The following CTNNA2 variants were observed in gnomAD, a reference collection of about 807,000 sequenced individuals.
CTNNA2 encodes catenin alpha-2.
CTNNA2 carries 42 observed loss-of-function variants against 101.0 expected under a neutral mutation model. That is an observed-to-expected ratio of 0.42 (90% confidence interval 0.32 to 0.54). CTNNA2 has a LOEUF of 0.54. CTNNA2 is among the 20% of genes least tolerant of loss of function. The probability of loss-of-function intolerance (pLI) is 0.14; values close to 1 mark genes in which losing one functional copy is unlikely to be tolerated. For missense variants in CTNNA2, 871 were observed against 1,223.1 expected, an observed-to-expected ratio of 0.71 and a Z score of 4.29; for synonymous variants, 450 against 456.4, an observed-to-expected ratio of 0.99 and a Z score of 0.18.
intron 9 of CTNNA2, among the ~76,000 whole-genome samples, chr2:80,527,033 T>C (rs555468490): frequency 6.6e-6 from 1 of 152,374 alleles, no homozygotes; most frequent in Non-Finnish European, 1.5e-5. Flanking sequence ...TTGAGCACTA[T>C]GACACAGTTG....
chr2:79,865,122 A>T (rs750848870), intron 4 of CTNNA2, among the ~76,000 whole-genome samples: 2 of 152,210 alleles, frequency 1.3e-5, no homozygotes, highest in Non-Finnish European at 2.9e-5. Context: ...ATGCGCTTTA[A>T]GCATCAATGA....
chr2:80,553,573 AAC>A (rs1305285790), intron 11 of CTNNA2, among the ~76,000 whole-genome samples: 1 of 152,206 alleles, frequency 6.6e-6, no homozygotes, highest in Non-Finnish European at 1.5e-5. Flanking sequence ...TAATATAATT[AAC>A]AGACGTCTCA....
chr2:80,230,091 G>T (rs528220963), intron 7 of CTNNA2, among the ~76,000 whole-genome samples: 1 of 152,170 alleles, frequency 6.6e-6, no homozygotes, highest in East Asian at 1.9e-4. Flanking sequence ...ACACCATAGA[G>T]CCTAGGCAAG....
intron 2 of CTNNA2, among the ~76,000 whole-genome samples, chr2:79,267,623 T>C (rs1188260528): frequency 1.3e-5 from 2 of 152,130 alleles, no homozygotes; most frequent in Middle Eastern, 3.2e-3. Context: ...ATCACTAAGG[T>C]CAAGTTTTAG....
intron 7 of CTNNA2, among the ~76,000 whole-genome samples, chr2:79,921,663 A>T (rs954947253): frequency 6.6e-6 from 1 of 152,202 alleles, no homozygotes; most frequent in Admixed American, 6.5e-5. Flanking sequence ...ATCAAGCCTC[A>T]TGGATTATTC....
chr2:80,011,624 G>C (rs1693792595), intron 7 of CTNNA2, among the ~76,000 whole-genome samples: 2 of 152,130 alleles, frequency 1.3e-5, no homozygotes, highest in Admixed American at 1.3e-4. Flanking sequence ...ATGGTCCTCT[G>C]TTCTGATGTT....
chr2:80,395,069 A>ATT (rs1677882198), intron 8 of CTNNA2, among the ~76,000 whole-genome samples: 1 of 152,188 alleles, frequency 6.6e-6, no homozygotes, highest in African/African-American at 2.4e-5. Flanking sequence ...AATGAATGAA[A>ATT]AAGTAATTTT....
intron 7 of CTNNA2, among the ~76,000 whole-genome samples, chr2:80,369,111 C>T (rs950647980): frequency 6.6e-6 from 1 of 151,982 alleles, no homozygotes; most frequent in African/African-American, 2.4e-5. Flanking sequence ...TCCTACAACC[C>T]CCTTCCTCAA....
At chr2:80,571,739 A>C (rs1694623229) in intron 12 of CTNNA2, among the ~76,000 whole-genome samples, 1 of 152,106 alleles carries the variant, frequency 6.6e-6, no homozygotes, top group African/African-American at 2.4e-5. Flanking sequence ...AGTCTGTTTT[A>C]TCCCACCCAG....
Position 79,466,049 on chromosome 2 carries a change from G to T in CTNNA2, c.-134-39005G>T, listed in dbSNP as rs577171808. ...GTCGGACAGTGGGTGCAGGACAGTG[G>T]GTGCAGCCCACTGAGCATTAGCCGA... is the stretch of plus-strand genomic sequence containing the variant. On this transcript the variant is annotated intron_variant, in intron 4 of 21. Transcript: ENST00000466387. 4.6e-5 allele frequency among the ~76,000 whole-genome samples: 7 copies of T among 152,300 alleles called. No homozygotes were observed. The South Asian group carries it at 1.5e-3, about 32-fold the overall frequency.
intron 2 of CTNNA2, among the ~76,000 whole-genome samples, chr2:79,280,565 G>A: frequency 6.6e-6 from 1 of 151,370 alleles, no homozygotes; most frequent in Non-Finnish European, 1.5e-5. Context: ...GGGTAACAAA[G>A]ACTGTAATCC....
At chr2:80,004,097 A>T (rs968434892) in intron 7 of CTNNA2, among the ~76,000 whole-genome samples, 5 of 151,724 alleles carry the variant, frequency 3.3e-5, no homozygotes, top group Non-Finnish European at 4.4e-5. Context: ...AGAGGCTAAA[A>T]TTTTTTTTTA....
chr2:79,808,178 C>G (rs940898760), intron 3 of CTNNA2, among the ~76,000 whole-genome samples: 2 of 152,118 alleles, frequency 1.3e-5, no homozygotes, highest in African/African-American at 4.8e-5. Context: ...TTACAATGCC[C>G]TGTATGATTG....
At chr2:80,163,362 A>T (rs1456580170) in intron 7 of CTNNA2, among the ~76,000 whole-genome samples, 1 of 152,098 alleles carries the variant, frequency 6.6e-6, no homozygotes, top group Non-Finnish European at 1.5e-5. Context: ...TTTCTCTTTG[A>T]TCCATAAATT....
chr2:80,325,441 A>C (rs527499714), intron 7 of CTNNA2, among the ~76,000 whole-genome samples: 10 of 152,302 alleles, frequency 6.6e-5, no homozygotes, highest in African/African-American at 2.4e-4. Context: ...TGGAGGCAAA[A>C]CTACTTGCCA....
chr2:80,405,819 T>A (rs1678998813), intron 8 of CTNNA2, among the ~76,000 whole-genome samples: 1 of 152,034 alleles, frequency 6.6e-6, no homozygotes, highest in African/African-American at 2.4e-5. Context: ...AGGATAAGAG[T>A]GGATTTTTCT....
At chr2:80,077,564 C>T (rs1698842096) in intron 7 of CTNNA2, among the ~76,000 whole-genome samples, 2 of 143,212 alleles carry the variant, frequency 1.4e-5, no homozygotes, top group Admixed American at 1.4e-4. Context: ...GCATGGGCAA[C>T]AAAGTGAGAC....
At chr2:79,485,437 G>C (rs772438947) in intron 4 of CTNNA2, among the ~76,000 whole-genome samples, 1 of 152,172 alleles carries the variant, frequency 6.6e-6, no homozygotes, top group South Asian at 2.1e-4. Context: ...ATGCACACTA[G>C]AAATTTATTT....
intron 7 of CTNNA2, among the ~76,000 whole-genome samples, chr2:80,212,225 A>C (rs1707940084): frequency 1.3e-5 from 2 of 152,114 alleles, no homozygotes; most frequent in African/African-American, 4.8e-5. Flanking sequence ...CTCCTGCCTG[A>C]TTGCCCTGGC....
Sources: allele counts gnomAD v4.1 joint callset (sites outside exome capture counted in the v4.1 genomes callset), GRCh38; gene constraint gnomAD v4.1.1; transcripts MANE v1.5; gene names NCBI Gene and HGNC (gene_info 2026-07-23, HGNC 2026-07-21).